The following PRKCE variants were observed in gnomAD, a reference collection of about 807,000 sequenced individuals.
PRKCE encodes protein kinase C epsilon type.
In PRKCE, 16 loss-of-function variants were observed where a neutral mutation model predicts 85.4. The ratio of observed to expected loss-of-function variants is 0.19; its 90% CI spans 0.13 to 0.28. The LOEUF (loss-of-function observed/expected upper bound fraction) is 0.28. Ranked by LOEUF, PRKCE falls within the 10% of genes least tolerant of loss-of-function variation. The probability of loss-of-function intolerance (pLI) is 1.00; values close to 1 mark genes in which losing one functional copy is unlikely to be tolerated. For missense variants in PRKCE, 573 were observed against 975.2 expected, an observed-to-expected ratio of 0.59 and a Z score of 5.49; for synonymous variants, 388 against 371.5, an observed-to-expected ratio of 1.04 and a Z score of -0.51.
intron 1 of PRKCE, among the ~76,000 whole-genome samples, chr2:45,815,424 T>C (rs1296215455): frequency 1.3e-5 from 2 of 152,168 alleles, no homozygotes; most frequent in Non-Finnish European, 2.9e-5. Flanking sequence ...CCTACGCCAT[T>C]CTCTCCCCTG....
chr2:45,992,329 G>A lies in PRKCE; in HGVS notation c.823+7649G>A, dbSNP rs551840836. Among the ~76,000 whole-genome samples the A allele has an allele frequency of 1.6e-4, 24 of 152,274 alleles. No individual in the cohort carries two copies. The South Asian group carries it at 4.6e-3, about 29-fold the overall frequency. On this transcript the variant is annotated intron_variant, in intron 6 of 14. Coordinates refer to ENST00000306156, the MANE Select transcript of PRKCE (RefSeq NM_005400.3). Reference sequence around the variant, plus strand: ...AATGCTGGGTAGCAGACAAGCGGCCGATCGTGGTCCCCGGAAAGCTCTGAG... The same window carrying A: ...AATGCTGGGTAGCAGACAAGCGGCCAATCGTGGTCCCCGGAAAGCTCTGAG...
Position 45,980,395 on chromosome 2 carries a change from A to C in PRKCE, c.693+14A>C, listed in dbSNP as rs750077608. 1 of 1,599,242 alleles carries C rather than the reference A, an allele frequency of 6.3e-7. No individual in the cohort carries two copies. The highest frequency in any genetic ancestry group is 8.5e-7 in the Non-Finnish European group (1 of 1,179,536). On this transcript the variant is annotated intron_variant, in intron 5 of 14. Coordinates refer to ENST00000306156, the MANE Select transcript of PRKCE (RefSeq NM_005400.3). ...ACCCCCGACCAGGTAAGTGTTGGTGACACGGAAATTCTGGGCTTCTTCACC... is the reference window on the plus strand; with the variant it reads ...ACCCCCGACCAGGTAAGTGTTGGTGCCACGGAAATTCTGGGCTTCTTCACC...
intron 1 of PRKCE, among the ~76,000 whole-genome samples, chr2:45,734,228 T>C (rs917176592): frequency 6.6e-6 from 1 of 152,012 alleles, no homozygotes; most frequent in Non-Finnish European, 1.5e-5. Context: ...AGCTGGGCGT[T>C]GTGGCGTGCA....
At chr2:46,087,920 T>C (rs963478518) in intron 11 of PRKCE, among the ~76,000 whole-genome samples, 1 of 152,230 alleles carries the variant, frequency 6.6e-6, no homozygotes, top group South Asian at 2.1e-4. Context: ...GCCGTAAGTC[T>C]CTAACTTCAG....
intron 11 of PRKCE, among the ~76,000 whole-genome samples, chr2:46,099,107 A>T (rs1384031811): frequency 6.6e-6 from 1 of 152,122 alleles, no homozygotes; most frequent in African/African-American, 2.4e-5. Flanking sequence ...TGGCCAATTC[A>T]TTCTGGTAAG....
chr2:46,088,516 C>G (rs1009374703), intron 11 of PRKCE, among the ~76,000 whole-genome samples: 14 of 152,180 alleles, frequency 9.2e-5, no homozygotes, highest in Non-Finnish European at 1.3e-4. Flanking sequence ...CACTAAGTTT[C>G]AAACTCAAAG....
intron 10 of PRKCE, among the ~76,000 whole-genome samples, chr2:46,018,120 G>C (rs893703798): frequency 2.6e-5 from 4 of 152,226 alleles, no homozygotes; most frequent in African/African-American, 4.8e-5. Context: ...GGGTTGATCA[G>C]CCTGTTTCTG....
chr2:46,010,248 A>G, intron 9 of PRKCE, 96 bp from the exon 10 acceptor site: 1 of 1,330,042 alleles, frequency 7.5e-7, no homozygotes, highest in Non-Finnish European at 1.0e-6. Flanking sequence ...TTAAAGAAAA[A>G]ACAGAATTCG....
At chr2:46,160,924 C>T (rs909009371) in intron 14 of PRKCE, among the ~76,000 whole-genome samples, 4 of 152,216 alleles carry the variant, frequency 2.6e-5, no homozygotes, top group African/African-American at 9.6e-5. Flanking sequence ...GACTCGAGCA[C>T]GTGGGGTTGA....
chr2:46,140,408 G>C (rs958031576), intron 11 of PRKCE, among the ~76,000 whole-genome samples: 1 of 152,154 alleles, frequency 6.6e-6, no homozygotes, highest in Non-Finnish European at 1.5e-5. Flanking sequence ...GATAAAGGTG[G>C]TATTTCAATC....
At chr2:45,975,491 T>C (rs1399333773) in intron 2 of PRKCE, among the ~76,000 whole-genome samples, 1 of 152,124 alleles carries the variant, frequency 6.6e-6, no homozygotes. Flanking sequence ...TTCCTCCTCT[T>C]ATAAGGACAC....
At chr2:46,098,320 T>TC (rs201764140) in intron 11 of PRKCE, among the ~76,000 whole-genome samples, 78 of 149,948 alleles carry the variant, frequency 5.2e-4, no homozygotes, top group East Asian at 1.2e-3. Flanking sequence ...GGGTTATTAC[T>TC]CCCCCCCCAA....
intron 10 of PRKCE, among the ~76,000 whole-genome samples, chr2:46,038,390 A>C (rs1437672367): frequency 6.6e-6 from 1 of 152,114 alleles, no homozygotes; most frequent in Non-Finnish European, 1.5e-5. Context: ...ATCATGGTAC[A>C]ATGAAGAGTT....
At chr2:45,763,906 T>C (rs917993451) in intron 1 of PRKCE, among the ~76,000 whole-genome samples, 6 of 152,360 alleles carry the variant, frequency 3.9e-5, no homozygotes, top group Middle Eastern at 6.8e-3. Flanking sequence ...CTTTCTTGTA[T>C]GCCTGCAGTT....
At position 46,010,446 on chromosome 2, in the gene PRKCE, G is replaced by A; in HGVS notation, c.1366G>A (p.Glu456Lys). The A allele has an allele frequency of 6.3e-7, 1 of 1,599,710 alleles. No homozygotes were observed. The highest frequency in any genetic ancestry group is 8.5e-7 in the Non-Finnish European group (1 of 1,179,940). Residue 456 changes from glutamate (E) to lysine (K), a missense_variant, in exon 10 of 15, where the codon GAG becomes AAG. Glu to Lys is a moderately conservative substitution (Grantham distance 56). Around this residue, in one of 11 missense-constraint regions of PRKCE, gnomAD observed 89 missense variants for 154.1 expected, o/e 0.58. Transcript: ENST00000306156. ...QDDDVDCTMT[E>K]KRILALARKH... ...TGATGACGTGGACTGCACAATGACA[G>A]AGAAGAGGATTTTGGCTCTGGCACG...
intron 1 of PRKCE, among the ~76,000 whole-genome samples, chr2:45,779,526 T>A (rs61657309): frequency 0.011 from 1,631 of 151,918 alleles, 33 homozygotes; most frequent in African/African-American, 0.036. Context: ...TGCGACTACT[T>A]CCTTGCTCCA....
chr2:46,028,331 A>C (rs1159465763), intron 10 of PRKCE, among the ~76,000 whole-genome samples: 2 of 152,250 alleles, frequency 1.3e-5, no homozygotes, highest in Non-Finnish European at 2.9e-5. Context: ...CTTCACTGCC[A>C]CAACATTTGT....
intron 2 of PRKCE, chr2:45,845,337 A>G (rs1052954973): frequency 1.3e-5 from 2 of 151,548 alleles, no homozygotes; most frequent in Non-Finnish European, 1.5e-5. Context: ...GCAAGTTGTC[A>G]CAACCACCCT....
rs1425715202 is a variant in PRKCE at position 45,726,945 on chromosome 2, C to T, written c.348+74497C>T. Among the ~76,000 whole-genome samples the T allele has an allele frequency of 2.0e-5, 3 of 152,274 alleles. No homozygotes were observed. The East Asian group carries it at 5.8e-4, about 29-fold the overall frequency. On this transcript the variant is annotated intron_variant, in intron 1 of 14. Transcript: ENST00000306156. The stretch of plus-strand genomic sequence containing the variant: ...ACTTAACCTTTCTGGCCCTTACTTT[C>T]CTCATGGGAAATAAGATTAAAAATG...
Sources: gnomAD v4.1 joint callset for allele counts (sites outside exome capture counted in the v4.1 genomes callset) on GRCh38, gnomAD v4.1.1 for gene constraint, gnomAD v4.1.1 regional missense constraint, MANE v1.5 for transcripts, NCBI Gene and HGNC (gene_info 2026-07-23, HGNC 2026-07-21) for gene names.